The following C1QTNF3 variants were observed in gnomAD, a reference collection of about 807,000 sequenced individuals.
C1QTNF3 encodes the protein C1q and TNF related 3, also known as complement C1q tumor necrosis factor-related protein 3.
Under a neutral mutation model 32.6 loss-of-function variants are expected in C1QTNF3, and 26 were observed. The observed-to-expected ratio is 0.80, with a 90% CI of 0.58 to 1.11. C1QTNF3 has a LOEUF of 1.11. Among genes scored for constraint, C1QTNF3 ranks in the 50% least tolerant of loss-of-function variants. C1QTNF3 has a pLI of 0.00. For missense variants in C1QTNF3, 362 were observed against 398.2 expected (o/e 0.91, Z 0.77); for synonymous variants, 155 against 146.0 (o/e 1.06, Z -0.44).
At chr5:34,159,414 AACGTG>A in the C1QTNF3 span, among the ~76,000 whole-genome samples, 10 of 152,112 alleles carry the variant, frequency 6.6e-5, no homozygotes, top group Admixed American at 6.5e-4. Flanking sequence ...TGATTAAAAT[AACGTG>A]ACAAAATCAT....
chr5:34,052,477 A>G, the C1QTNF3 span, among the ~76,000 whole-genome samples: 1 of 152,248 alleles, frequency 6.6e-6, no homozygotes, highest in Non-Finnish European at 1.5e-5. Flanking sequence ...CTGCTAATGA[A>G]TGGACAGATA....
chr5:34,203,225 AAGACAAAG>A, the C1QTNF3 span, among the ~76,000 whole-genome samples: 1 of 152,186 alleles, frequency 6.6e-6, no homozygotes, highest in Non-Finnish European at 1.5e-5. Context: ...CCAAACCACA[AAGACAAAG>A]AGACAGACAG....
chr5:34,067,499 A>G, the C1QTNF3 span, among the ~76,000 whole-genome samples: 58 of 152,336 alleles, frequency 3.8e-4, 1 homozygote, highest in Non-Finnish European at 7.3e-5. Context: ...CACATCTTAC[A>G]TGAATGGCGG....
the C1QTNF3 span, among the ~76,000 whole-genome samples, chr5:34,079,622 G>C: frequency 6.6e-6 from 1 of 151,608 alleles, no homozygotes; most frequent in Non-Finnish European, 1.5e-5. Context: ...AGTAAATCCT[G>C]CCATTTGAGA....
the C1QTNF3 span, among the ~76,000 whole-genome samples, chr5:34,209,587 G>A: frequency 1.3e-5 from 2 of 151,882 alleles, no homozygotes; most frequent in Non-Finnish European, 2.9e-5. Context: ...ATTCCAAGTA[G>A]AATATCTTTA....
the C1QTNF3 span, among the ~76,000 whole-genome samples, chr5:34,235,761 T>C: frequency 6.6e-6 from 1 of 152,216 alleles, no homozygotes; most frequent in African/African-American, 2.4e-5. Flanking sequence ...GGTTTACTTG[T>C]CCATTTAATA....
chr5:34,160,692 G>A, the C1QTNF3 span, among the ~76,000 whole-genome samples: 1 of 152,056 alleles, frequency 6.6e-6, no homozygotes, highest in Non-Finnish European at 1.5e-5. Flanking sequence ...TACTCCAACT[G>A]TTGTCAAAAT....
At chr5:34,051,392 A>C in the C1QTNF3 span, among the ~76,000 whole-genome samples, 12 of 152,220 alleles carry the variant, frequency 7.9e-5, no homozygotes, top group Non-Finnish European at 1.5e-4. Context: ...TTTCAACTAG[A>C]TTAAACATCC....
At chr5:34,241,284 C>T in the C1QTNF3 span, among the ~76,000 whole-genome samples, 1 of 152,010 alleles carries the variant, frequency 6.6e-6, no homozygotes, top group Non-Finnish European at 1.5e-5. Context: ...AAATCCTAGT[C>T]AGAGCAATCT....
the C1QTNF3 span, among the ~76,000 whole-genome samples, chr5:34,205,300 T>C: frequency 6.6e-6 from 1 of 152,208 alleles, no homozygotes; most frequent in Non-Finnish European, 1.5e-5. Context: ...GTGACATCAG[T>C]AAGAACCCAT....
At chr5:34,236,661 C>A in the C1QTNF3 span, among the ~76,000 whole-genome samples, 6 of 147,758 alleles carry the variant, frequency 4.1e-5, no homozygotes, top group Non-Finnish European at 6.0e-5. Context: ...GCATCCTCCA[C>A]CCCGCCAGGT....
the C1QTNF3 span, among the ~76,000 whole-genome samples, chr5:34,195,837 C>G: frequency 6.9e-6 from 1 of 144,900 alleles, no homozygotes; most frequent in African/African-American, 2.6e-5. Context: ...GAGACTCTGT[C>G]TCAAAAAAAA....
chr5:34,133,640 T>TA, the C1QTNF3 span, among the ~76,000 whole-genome samples: 5 of 152,192 alleles, frequency 3.3e-5, no homozygotes, highest in Non-Finnish European at 7.3e-5. Context: ...ATCTCAAGGT[T>TA]AGAGTTACAC....
At chr5:34,147,077 G>A in the C1QTNF3 span, among the ~76,000 whole-genome samples, 2 of 152,058 alleles carry the variant, frequency 1.3e-5, no homozygotes, top group Non-Finnish European at 2.9e-5. Flanking sequence ...TCAAAGAAAT[G>A]CAAATCTATA....
At chr5:34,068,677 G>A in the C1QTNF3 span, among the ~76,000 whole-genome samples, 1 of 152,096 alleles carries the variant, frequency 6.6e-6, no homozygotes. Context: ...GTATGACCAT[G>A]TTGTATTTGT....
chr5:34,105,212 T>C, the C1QTNF3 span, among the ~76,000 whole-genome samples: 1 of 152,138 alleles, frequency 6.6e-6, no homozygotes. Flanking sequence ...GATTTCACTA[T>C]GTGTTGTTTG....
At chr5:34,233,715 T>C in the C1QTNF3 span, among the ~76,000 whole-genome samples, 1 of 150,240 alleles carries the variant, frequency 6.7e-6, no homozygotes, top group Non-Finnish European at 1.5e-5. Flanking sequence ...TTTTTTTTTG[T>C]TGTTGGTTTG....
chr5:34,184,665 G>A, the C1QTNF3 span, among the ~76,000 whole-genome samples: 3 of 137,856 alleles, frequency 2.2e-5, no homozygotes, highest in South Asian at 2.2e-4. Flanking sequence ...AGTGAGCCGC[G>A]ATCATGCCAC....
chr5:34,076,759 T>C, the C1QTNF3 span, among the ~76,000 whole-genome samples: 2 of 151,658 alleles, frequency 1.3e-5, no homozygotes, highest in Non-Finnish European at 2.9e-5. Flanking sequence ...TTTCTTAAAG[T>C]TGCTATCAAC....
Sources: gnomAD v4.1 joint callset for allele counts (sites outside exome capture counted in the v4.1 genomes callset) on GRCh38, gnomAD v4.1.1 for gene constraint, MANE v1.5 for transcripts, NCBI Gene and HGNC (gene_info 2026-07-23, HGNC 2026-07-21) for gene names.